Variants in NEO1 observed in about 807,000 individuals in gnomAD.
NEO1 encodes the protein neogenin.
In NEO1, 63 loss-of-function variants were observed where a neutral mutation model predicts 159.7. That is an observed-to-expected ratio of 0.39 (90% confidence interval 0.32 to 0.49). The LOEUF (loss-of-function observed/expected upper bound fraction) is 0.49, where lower values mean the gene tolerates loss of function less well. NEO1 is among the 20% of genes least tolerant of loss of function. The pLI, the probability that NEO1 is intolerant of heterozygous loss-of-function variation, is 0.85. For missense variants in NEO1, 1,615 were observed against 1,831.0 expected (o/e 0.88, Z 2.15); for synonymous variants, 633 against 662.0 (o/e 0.96, Z 0.67).
chr15:73,294,512 A>G (rs1314644077), intron 26 of NEO1, among the ~76,000 whole-genome samples: 1 of 152,062 alleles, frequency 6.6e-6, no homozygotes, highest in African/African-American at 2.4e-5. Flanking sequence ...TAATATCCCC[A>G]TTCTTTTAAG....
intron 7 of NEO1, among the ~76,000 whole-genome samples, chr15:73,228,414 T>C (rs535670851): frequency 6.6e-6 from 1 of 151,974 alleles, no homozygotes; most frequent in Non-Finnish European, 1.5e-5. Context: ...TTTTTAACTT[T>C]GGTTGTTTTC....
chr15:73,092,503 G>GA (rs1363619048), intron 1 of NEO1, among the ~76,000 whole-genome samples: 1 of 152,048 alleles, frequency 6.6e-6, no homozygotes, highest in African/African-American at 2.4e-5. Context: ...GAGTTTCATT[G>GA]AAAATGTTCA....
At chr15:73,054,849 G>A (rs1277355917) in intron 1 of NEO1, among the ~76,000 whole-genome samples, 1 of 152,222 alleles carries the variant, frequency 6.6e-6, no homozygotes, top group African/African-American at 2.4e-5. Context: ...ACTGGAACAA[G>A]CTGTCCGCAA....
Position 73,301,366 on chromosome 15 carries a change from C to T in NEO1, c.4211C>T (p.Thr1404Ile). The change falls in exon 28 of 29, where the codon ACT (threonine) becomes ATT (isoleucine). Residue 1404 changes from threonine (T) to isoleucine (I), a missense_variant. Thr to Ile is a moderately conservative substitution (Grantham distance 89). Coordinates refer to ENST00000261908, the MANE Select transcript of NEO1 (RefSeq NM_002499.4). ...IHSVKTASIG[T>I]LGRSRPPMPV... is the part of the protein sequence containing the mutation. ...TCAGTGAAGACAGCCTCCATCGGGA[C>T]TCTAGGAAGGAGCCGGCCTCCTATG... 1 of 1,614,220 alleles carries T rather than the reference C, an allele frequency of 6.2e-7. No individual in the cohort carries two copies. Among genetic ancestry groups the T allele is most frequent in the Non-Finnish European group, 8.5e-7 (1 of 1,180,046 alleles).
intron 23 of NEO1, among the ~76,000 whole-genome samples, chr15:73,284,574 T>G (rs2041867266): frequency 6.6e-6 from 1 of 150,740 alleles, no homozygotes; most frequent in Admixed American, 6.6e-5. Flanking sequence ...CTCTTATAGC[T>G]CTTCCTTTTT....
At chr15:73,294,446 G>C (rs1460450676) in intron 26 of NEO1, among the ~76,000 whole-genome samples, 1 of 152,174 alleles carries the variant, frequency 6.6e-6, no homozygotes, top group East Asian at 1.9e-4. Context: ...GGAATTTCAA[G>C]TGAGTTCCAT....
intron 8 of NEO1, among the ~76,000 whole-genome samples, chr15:73,240,110 C>G (rs1006653412): frequency 6.6e-6 from 1 of 152,138 alleles, no homozygotes; most frequent in Non-Finnish European, 1.5e-5. Context: ...TTGAGAAACC[C>G]TGGCATGGAG....
intron 7 of NEO1, among the ~76,000 whole-genome samples, chr15:73,187,165 T>C (rs1164254095): frequency 3.3e-5 from 5 of 152,228 alleles, no homozygotes; most frequent in Admixed American, 3.3e-4. Context: ...AGATAACAAC[T>C]ATTACAAAAT....
At chr15:73,205,895 A>G (rs1238818914) in intron 7 of NEO1, among the ~76,000 whole-genome samples, 1 of 151,958 alleles carries the variant, frequency 6.6e-6, no homozygotes, top group Non-Finnish European at 1.5e-5. Context: ...TTTAATTTTC[A>G]ACATCTGTAA....
intron 7 of NEO1, among the ~76,000 whole-genome samples, chr15:73,212,098 C>G (rs1366226805): frequency 6.6e-6 from 1 of 152,168 alleles, no homozygotes; most frequent in African/African-American, 2.4e-5. Context: ...TAACACTGAT[C>G]ATGTGGTTAA....
Position 73,298,363 on chromosome 15 carries a change from C to T in NEO1, c.3917C>T (p.Thr1306Ile), listed in dbSNP as rs753640778. The change falls in exon 27 of 29, where the codon ACC becomes ATC. Residue 1306 changes from threonine to isoleucine, a missense_variant. By Grantham distance (89) the Thr-to-Ile change is moderately conservative. Transcript: ENST00000261908. ...RANSTESVRN[T>I]PSTDTMPASS... ...CCTGCTGTAGAATCCGTTCGAAATA[C>T]CCCCAGCACTGACACCATGCCAGCC... The T allele has an allele frequency of 8.1e-6, 13 of 1,614,142 alleles. No homozygotes were observed. The highest frequency in any genetic ancestry group is 6.7e-5 in the Admixed American group (4 of 60,012).
intron 8 of NEO1, among the ~76,000 whole-genome samples, chr15:73,241,386 A>G (rs1596455057): frequency 6.6e-6 from 1 of 152,304 alleles, no homozygotes; most frequent in East Asian, 1.9e-4. Flanking sequence ...TAGTTTTTAC[A>G]TTTTTAAATA....
intron 26 of NEO1, among the ~76,000 whole-genome samples, chr15:73,295,807 G>GGAGC (rs1243527360): frequency 5.9e-5 from 9 of 152,172 alleles, no homozygotes; most frequent in African/African-American, 2.2e-4. Context: ...TCTGCTCTAA[G>GGAGC]GAGCATTCAC....
chr15:73,101,087 G>A (rs2070379039), intron 1 of NEO1, among the ~76,000 whole-genome samples: 1 of 152,168 alleles, frequency 6.6e-6, no homozygotes, highest in Non-Finnish European at 1.5e-5. Context: ...TCTCATGTAA[G>A]CATTTTAATG....
chr15:73,068,464 G>T (rs1337464438), intron 1 of NEO1, among the ~76,000 whole-genome samples: 2 of 151,952 alleles, frequency 1.3e-5, no homozygotes, highest in Non-Finnish European at 2.9e-5. Flanking sequence ...CACGTGCCTT[G>T]GCCTCGCAAA....
At chr15:73,190,049 T>A (rs2036154161) in intron 7 of NEO1, among the ~76,000 whole-genome samples, 1 of 152,198 alleles carries the variant, frequency 6.6e-6, no homozygotes, top group South Asian at 2.1e-4. Context: ...CCTGTCATTT[T>A]ATGCTAAAAT....
rs927669292 is a variant in NEO1 at position 73,298,295 on chromosome 15, G to A, written c.3902-53G>A. Reference sequence around the variant, plus strand: ...CTAGAAGTAGCCAAACTGTGGGACTGTCACATATTTAATGGCAAAAGAAAT... The same window carrying A: ...CTAGAAGTAGCCAAACTGTGGGACTATCACATATTTAATGGCAAAAGAAAT... On this transcript the variant is annotated intron_variant, in intron 26 of 28. Coordinates refer to ENST00000261908, the MANE Select transcript of NEO1 (RefSeq NM_002499.4). 22 of 1,604,940 alleles carry A rather than the reference G, an allele frequency of 1.4e-5. No individual in the cohort carries two copies. In the African/African-American group the frequency reaches 2.9e-4, roughly 21 times the overall value.
intron 1 of NEO1, among the ~76,000 whole-genome samples, chr15:73,102,680 T>C (rs1332249122): frequency 6.6e-6 from 1 of 152,228 alleles, no homozygotes; most frequent in Non-Finnish European, 1.5e-5. Flanking sequence ...TCTGTGGCCT[T>C]TTCAGGCTTT....
chr15:73,241,550 A>G (rs2039487619), intron 8 of NEO1, among the ~76,000 whole-genome samples: 2 of 152,236 alleles, frequency 1.3e-5, no homozygotes, highest in African/African-American at 4.8e-5. Context: ...CCCAGAAAGC[A>G]TTAGTGACTT....
Sources: gnomAD v4.1 joint callset for allele counts (sites outside exome capture counted in the v4.1 genomes callset) on GRCh38, gnomAD v4.1.1 for gene constraint, MANE v1.5 for transcripts, NCBI Gene and HGNC (gene_info 2026-07-23, HGNC 2026-07-21) for gene names.